USP49: variants seen among roughly 807,000 people sequenced by gnomAD.
USP49 encodes the protein ubiquitin specific peptidase 49, also known as ubiquitin carboxyl-terminal hydrolase 49.
A neutral mutation model predicts 58.6 loss-of-function variants in USP49; 24 were observed. That is an observed-to-expected ratio of 0.41 (90% confidence interval 0.30 to 0.58). The LOEUF (loss-of-function observed/expected upper bound fraction) is 0.58. Among genes scored for constraint, USP49 ranks in the 20% least tolerant of loss-of-function variants. USP49 has a pLI of 0.30. For missense variants in USP49, 703 were observed against 866.1 expected (o/e 0.81, Z 2.36); for synonymous variants, 408 against 365.1 (o/e 1.12, Z -1.34).
chr6:41,867,538 T>C (rs1173105921), intron 3 of USP49, among the ~76,000 whole-genome samples: 12 of 149,844 alleles, frequency 8.0e-5, no homozygotes, highest in Admixed American at 4.7e-4. Context: ...GGTCAGGAGA[T>C]TGAGACCATC....
At chr6:41,854,317 A>C (rs1774088437) in intron 3 of USP49, among the ~76,000 whole-genome samples, 1 of 31,340 alleles carries the variant, frequency 3.2e-5, no homozygotes, top group Non-Finnish European at 9.3e-5. Context: ...ACTCTGTCTC[A>C]AAAAAAAAAA....
intron 3 of USP49, among the ~76,000 whole-genome samples, chr6:41,866,775 A>C (rs978904560): frequency 1.3e-5 from 2 of 152,186 alleles, no homozygotes; most frequent in African/African-American, 2.4e-5. Context: ...GGAAGACTTC[A>C]TTGCACACTC....
intron 3 of USP49, among the ~76,000 whole-genome samples, chr6:41,833,980 G>A (rs765084738): frequency 2.4e-4 from 37 of 152,128 alleles, no homozygotes; most frequent in Non-Finnish European, 4.9e-4. Context: ...ATATTAAGTG[G>A]GTCCACTTTG....
At chr6:41,831,580 CAA>C (rs57125790) in intron 3 of USP49, among the ~76,000 whole-genome samples, 14,811 of 114,080 alleles carry the variant, frequency 0.13, 1,440 homozygotes, top group African/African-American at 0.31. Context: ...AACTCCATCT[CAA>C]AAAAAAAAAA....
At chr6:41,862,040 A>G (rs1325076749) in intron 3 of USP49, among the ~76,000 whole-genome samples, 1 of 152,180 alleles carries the variant, frequency 6.6e-6, no homozygotes, top group Non-Finnish European at 1.5e-5. Flanking sequence ...ATGCTATGCT[A>G]TGAACTGCAT....
intron 3 of USP49, among the ~76,000 whole-genome samples, chr6:41,814,691 C>A (rs1379158835): frequency 6.6e-6 from 1 of 152,134 alleles, no homozygotes; most frequent in Non-Finnish European, 1.5e-5. Flanking sequence ...TTTCTTCTCG[C>A]TCTCTCATCA....
chr6:41,838,431 G>C (rs1195633256), intron 3 of USP49, among the ~76,000 whole-genome samples: 1 of 152,156 alleles, frequency 6.6e-6, no homozygotes, highest in Non-Finnish European at 1.5e-5. Context: ...ACCTGAAGAG[G>C]AATCTATCAC....
chr6:41,802,412 ATTTTATTTTATTTTAT>A (rs1561902508), intron 5 of USP49, among the ~76,000 whole-genome samples: 4 of 88,666 alleles, frequency 4.5e-5, no homozygotes, highest in African/African-American at 1.7e-4. Flanking sequence ...TTTATTTTTT[ATTTTATTTTATTTTAT>A]TTTATTTATT....
intron 3 of USP49, among the ~76,000 whole-genome samples, chr6:41,858,730 A>G (rs943266020): frequency 6.6e-6 from 1 of 151,954 alleles, no homozygotes; most frequent in Non-Finnish European, 1.5e-5. Flanking sequence ...ATGTGTGCTT[A>G]GATGTTTCCT....
intron 3 of USP49, among the ~76,000 whole-genome samples, chr6:41,852,256 C>T (rs149626718): frequency 0.017 from 2,521 of 152,094 alleles, 54 homozygotes; most frequent in African/African-American, 0.05. Flanking sequence ...ACCCAGGAGG[C>T]GGAGGTTGCA....
At chr6:41,834,073 A>T (rs1773683672) in intron 3 of USP49, among the ~76,000 whole-genome samples, 1 of 152,246 alleles carries the variant, frequency 6.6e-6, no homozygotes, top group Non-Finnish European at 1.5e-5. Context: ...ATCACTAGGA[A>T]GAAATCAAAG....
At chr6:41,860,323 AGAG>A (rs569401352) in intron 3 of USP49, among the ~76,000 whole-genome samples, 176 of 152,136 alleles carry the variant, frequency 1.2e-3, no homozygotes, top group African/African-American at 4.0e-3. Flanking sequence ...TGAGAGACAG[AGAG>A]AAAAATAATC....
chr6:41,826,155 C>T (rs1247476107), intron 3 of USP49, among the ~76,000 whole-genome samples: 1 of 152,118 alleles, frequency 6.6e-6, no homozygotes, highest in Non-Finnish European at 1.5e-5. Flanking sequence ...GTCCCAGCTA[C>T]TCAGGAGGCT....
At chr6:41,865,305 A>G (rs1312364502) in intron 3 of USP49, among the ~76,000 whole-genome samples, 2 of 152,074 alleles carry the variant, frequency 1.3e-5, no homozygotes, top group Non-Finnish European at 2.9e-5. Context: ...TTGGCCTCCC[A>G]AAGTGCAGGG....
Position 41,796,277 on chromosome 6 carries a change from T to G in USP49, c.*256A>C. On this transcript the variant is annotated 3_prime_UTR_variant, in exon 8 of 8. Transcript: ENST00000682992. ...GCTTTCCTCCACCCAGATCCCTCTA[T>G]ATTCAGAAGCAACTGATGAAAGGAT... is the stretch of plus-strand genomic sequence containing the variant. 3 of 370,266 alleles carry G rather than the reference T, an allele frequency of 8.1e-6. No individual in the cohort carries two copies. Among genetic ancestry groups the G allele is most frequent in the Non-Finnish European group, 9.9e-6 (2 of 202,058 alleles). The allele number at this position is 370,266 out of a possible 1,614,324, so 22.9% of individuals were successfully genotyped here. A position where few individuals can be genotyped will look rare whatever the true frequency, so the allele number is the denominator to read the frequency against.
chr6:41,843,856 C>A (rs554130978), intron 3 of USP49, among the ~76,000 whole-genome samples: 46 of 152,202 alleles, frequency 3.0e-4, no homozygotes, highest in African/African-American at 1.0e-3. Flanking sequence ...CCAGCCTGGC[C>A]AACATAGTGA....
At chr6:41,857,595 C>T (rs527450088) in intron 3 of USP49, among the ~76,000 whole-genome samples, 1 of 152,272 alleles carries the variant, frequency 6.6e-6, no homozygotes, top group South Asian at 2.1e-4. Context: ...GCAGCCACTG[C>T]ACTTTAGCCT....
intron 3 of USP49, among the ~76,000 whole-genome samples, chr6:41,851,952 C>CAAAAAAAAAAAA (rs67716441): frequency 9.1e-4 from 50 of 54,832 alleles, no homozygotes; most frequent in Non-Finnish European, 1.1e-3. Flanking sequence ...AGACTCGTCT[C>CAAAAAAAAAAAA]AAAAAAAAAA....
At chr6:41,797,512 C>A in intron 7 of USP49, 1 of 511,148 alleles carries the variant, frequency 2.0e-6, no homozygotes, top group Non-Finnish European at 2.5e-6. Context: ...AACACATCTG[C>A]AGCCCATCAG....
Sources: gnomAD v4.1 joint callset for allele counts (sites outside exome capture counted in the v4.1 genomes callset) on GRCh38, gnomAD v4.1.1 for gene constraint, MANE v1.5 for transcripts, NCBI Gene and HGNC (gene_info 2026-07-23, HGNC 2026-07-21) for gene names.